Variants in GGA2 observed in about 807,000 individuals in gnomAD.
The protein encoded by GGA2 is ADP-ribosylation factor-binding protein GGA2.
In GGA2, 48 loss-of-function variants were observed where a neutral mutation model predicts 79.5. The observed-to-expected ratio is 0.60, with a 90% CI of 0.48 to 0.77. The LOEUF (loss-of-function observed/expected upper bound fraction) is 0.77. Ranked by LOEUF, GGA2 falls within the 30% of genes least tolerant of loss-of-function variation. The pLI, the probability that GGA2 is intolerant of heterozygous loss-of-function variation, is 0.00. For synonymous variants in GGA2, 317 were observed against 302.0 expected (o/e 1.05, Z -0.51); for missense variants, 770 against 774.0 (o/e 0.99, Z 0.06).
chr16:23,504,846 G>A (rs1244552059), intron 1 of GGA2, among the ~76,000 whole-genome samples: 2 of 152,244 alleles, frequency 1.3e-5, no homozygotes, highest in Admixed American at 6.5e-5. Flanking sequence ...ACTAAAAGCA[G>A]TGTTTGTATG....
At chr16:23,470,889 G>A (rs975419076) in intron 14 of GGA2, among the ~76,000 whole-genome samples, 1 of 137,600 alleles carries the variant, frequency 7.3e-6, no homozygotes, top group Non-Finnish European at 1.5e-5. Context: ...GAATGCAATG[G>A]CATGATCTTG....
In GGA2 at chr16:23,465,604, T is replaced by C. The variant is rs1964426251; in HGVS notation, c.*1986A>G. ...TCAGAGGGAGATGCTGTCATTATGA[T>C]GGGTACCTCTTCAAGACTACGCAAC... On this transcript the variant is annotated 3_prime_UTR_variant, in exon 17 of 17. Coordinates refer to ENST00000309859, the MANE Select transcript of GGA2 (RefSeq NM_015044.4). 2 of 599,370 alleles carry C rather than the reference T, an allele frequency of 3.3e-6. No individual in the cohort carries two copies. Among genetic ancestry groups the C allele is most frequent in the Non-Finnish European group, 6.0e-6 (2 of 335,722 alleles). 37.1% of individuals were successfully genotyped at this position (599,370 alleles called of 1,614,324 possible).
chr16:23,496,682 C>A (rs13334394), intron 1 of GGA2, among the ~76,000 whole-genome samples: 1 of 151,974 alleles, frequency 6.6e-6, no homozygotes, highest in Admixed American at 6.6e-5. Context: ...TAAGACCAGG[C>A]GCGATGGCTC....
intron 1 of GGA2, among the ~76,000 whole-genome samples, chr16:23,496,156 A>T (rs1434254932): frequency 3.3e-5 from 5 of 151,936 alleles, no homozygotes; most frequent in Non-Finnish European, 5.9e-5. Context: ...CAAAAAAATT[A>T]GCCAGGCATG....
intron 15 of GGA2, 38 bp downstream of exon 15, chr16:23,469,958 G>A (rs1263888899): frequency 4.1e-5 from 59 of 1,422,024 alleles, no homozygotes; most frequent in South Asian, 8.3e-5. Context: ...ACTCAAAAAC[G>A]ACAGCCATTA....
At chr16:23,520,233 A>T (rs1965128721) in intron 1 of GGA2, among the ~76,000 whole-genome samples, 1 of 148,888 alleles carries the variant, frequency 6.7e-6, no homozygotes, top group African/African-American at 2.5e-5. Flanking sequence ...AGCCTGGGCA[A>T]CAAGAGTGAA....
intron 1 of GGA2, among the ~76,000 whole-genome samples, chr16:23,505,783 A>G (rs1964968402): frequency 6.6e-6 from 1 of 151,974 alleles, no homozygotes; most frequent in Non-Finnish European, 1.5e-5. Flanking sequence ...GCGGAAGAAC[A>G]ATAACTCTTG....
chr16:23,490,821 G>A (rs1333321334), intron 5 of GGA2, among the ~76,000 whole-genome samples: 2 of 151,624 alleles, frequency 1.3e-5, no homozygotes, highest in Non-Finnish European at 2.9e-5. Flanking sequence ...AATATTTTAT[G>A]TCTGCACGTT....
At chr16:23,472,507 G>GT (rs895165168) in intron 14 of GGA2, among the ~76,000 whole-genome samples, 6 of 150,764 alleles carry the variant, frequency 4.0e-5, no homozygotes, top group African/African-American at 1.5e-4. Flanking sequence ...CTGTAGCCCT[G>GT]TTTTTAACAG....
rs570821993 is a variant in GGA2, at chr16:23,481,150, G to A, written c.881-380C>T. On this transcript the variant is annotated intron_variant, in intron 9 of 16. Coordinates refer to ENST00000309859, the MANE Select transcript of GGA2 (RefSeq NM_015044.4). ...TCCCAGCATTTTGGGAGGCCGAGGCGGGTGGATCACCTGAGGTCAGGAGTT... is the reference window on the plus strand; with the variant it reads ...TCCCAGCATTTTGGGAGGCCGAGGCAGGTGGATCACCTGAGGTCAGGAGTT... Among the ~76,000 whole-genome samples the A allele has an allele frequency of 5.3e-5, 8 of 152,260 alleles. No homozygotes were observed. The South Asian group carries it at 1.2e-3, about 24-fold the overall frequency.
In GGA2 at chr16:23,467,000, G is replaced by GC. The variant is rs1964445397; in HGVS notation, c.*589dup. 6.4e-6 allele frequency: 1 copy of GC among 155,078 alleles called. No individual in the cohort carries two copies. Among genetic ancestry groups the GC allele is most frequent in the Admixed American group, 6.3e-5 (1 of 15,772 alleles). The allele number at this position is 155,078 out of a possible 1,614,324, so 9.6% of individuals were successfully genotyped here. ...TGGCAGCCACTCGCCTGGGAACAGTGCAACAAGCATTCCATTTAGAAGATC... is the reference window on the plus strand; with the variant it reads ...TGGCAGCCACTCGCCTGGGAACAGTGCCAACAAGCATTCCATTTAGAAGATC... On this transcript the variant is annotated 3_prime_UTR_variant, in exon 17 of 17. Coordinates refer to ENST00000309859, the MANE Select transcript of GGA2 (RefSeq NM_015044.4).
chr16:23,521,412 TTTTTA>T (rs1965140990), intron 1 of GGA2, among the ~76,000 whole-genome samples: 1 of 152,138 alleles, frequency 6.6e-6, no homozygotes, highest in Non-Finnish European at 1.5e-5. Context: ...CATTTTTTTT[TTTTTA>T]GACACAGGAT....
At chr16:23,511,571 C>A (rs1965064406), upstream of GGA2, among the ~76,000 whole-genome samples, 1 of 151,720 alleles carries the variant, frequency 6.6e-6, no homozygotes, top group Non-Finnish European at 1.5e-5. Flanking sequence ...TATCTCGGCT[C>A]ATTGCAACCT....
chr16:23,464,116 TTC>T lies in GGA2; in HGVS notation c.*3472_*3473del, dbSNP rs772524455. 2.6e-5 allele frequency: 4 copies of T among 152,224 alleles called. No homozygotes were observed. The highest frequency in any genetic ancestry group is 4.8e-5 in the African/African-American group (2 of 41,468). The allele number at this position is 152,224 out of a possible 1,614,324, so 9.4% of individuals were successfully genotyped here. ...GCCCTTGCTTTCTAGCTTTAACATT[TTC>T]TGTCTCAATTTACACTATTTGTACT... On this transcript the variant is annotated 3_prime_UTR_variant, in exon 17 of 17. Coordinates refer to ENST00000309859, the MANE Select transcript of GGA2 (RefSeq NM_015044.4).
chr16:23,483,804 C>T (rs1205019931), intron 8 of GGA2, among the ~76,000 whole-genome samples: 1 of 151,738 alleles, frequency 6.6e-6, no homozygotes. Context: ...TGCGCCACCA[C>T]GCCCGGCTGA....
At chr16:23,481,857 T>C (rs1161924806) in intron 9 of GGA2, among the ~76,000 whole-genome samples, 1 of 152,200 alleles carries the variant, frequency 6.6e-6, no homozygotes, top group Non-Finnish European at 1.5e-5. Context: ...ACCAATTATA[T>C]GGCTTTTCTT....
In GGA2 at chr16:23,470,136, G is replaced by A. The variant is rs1224533666; in HGVS notation, c.1480C>T (p.Arg494Trp). Residue 494 changes from arginine to tryptophan, a missense_variant, in exon 15 of 17, where the codon CGG (arginine) becomes TGG (tryptophan). Arg to Trp is a moderately radical substitution (Grantham distance 101). Coordinates refer to ENST00000309859, the MANE Select transcript of GGA2 (RefSeq NM_015044.4). ...SSLPPLIVYD[R>W]NGFRILLHFS... ...TGGAGCAGAATTCTGAATCCATTCCGGTCATACACAATGAGAGGCGGCAGG... is the reference window on the plus strand; with the variant it reads ...TGGAGCAGAATTCTGAATCCATTCCAGTCATACACAATGAGAGGCGGCAGG... 2.5e-6 allele frequency: 4 copies of A among 1,605,814 alleles called. No individual in the cohort carries two copies. The highest frequency in any genetic ancestry group is 1.1e-5 in the South Asian group (1 of 88,856).
chr16:23,490,383 C>T (rs977473393), intron 5 of GGA2, among the ~76,000 whole-genome samples: 3 of 152,194 alleles, frequency 2.0e-5, no homozygotes, highest in African/African-American at 7.2e-5. Context: ...ACATTGTATG[C>T]ATGTACCAAA....
At chr16:23,493,801 C>T (rs2142133501) in intron 3 of GGA2, 2 of 317,876 alleles carry the variant, frequency 6.3e-6, no homozygotes, top group East Asian at 1.6e-4. Flanking sequence ...ATCCAGTGCC[C>T]AAGACCAGCC....
Sources: allele counts gnomAD v4.1 joint callset (sites outside exome capture counted in the v4.1 genomes callset), GRCh38; gene constraint gnomAD v4.1.1; transcripts MANE v1.5; gene names NCBI Gene and HGNC (gene_info 2026-07-23, HGNC 2026-07-21).